Variants in RAB3IP observed in about 807,000 individuals in gnomAD.
RAB3IP encodes the protein rab-3A-interacting protein.
RAB3IP carries 36 observed loss-of-function variants against 59.1 expected under a neutral mutation model. That is an observed-to-expected ratio of 0.61 (90% CI 0.47 to 0.80). The LOEUF is 0.80. RAB3IP is among the 30% of genes least tolerant of loss of function. The pLI, the probability that RAB3IP is intolerant of heterozygous loss-of-function variation, is 0.00. For synonymous variants in RAB3IP, 207 were observed against 191.2 expected, an observed-to-expected ratio of 1.08 and a Z score of -0.68; for missense variants, 511 against 536.0, an observed-to-expected ratio of 0.95 and a Z score of 0.46.
intron 1 of RAB3IP, among the ~76,000 whole-genome samples, chr12:69,750,370 A>C (rs969804820): frequency 6.6e-6 from 1 of 152,136 alleles, no homozygotes; most frequent in Non-Finnish European, 1.5e-5. Flanking sequence ...ATCTTTTTTA[A>C]AAGATAAGGA....
At chr12:69,807,079 G>T (rs1464218858) in intron 8 of RAB3IP, among the ~76,000 whole-genome samples, 6 of 152,048 alleles carry the variant, frequency 3.9e-5, no homozygotes, top group African/African-American at 1.4e-4. Context: ...GCCTGTTCTC[G>T]ACGGTCGCTG....
At chr12:69,738,758 T>G (rs988996693), upstream of RAB3IP, 1 of 151,844 alleles carries the variant, frequency 6.6e-6, no homozygotes, top group Admixed American at 6.6e-5. Context: ...CCAGGCCCCA[T>G]GCCGGGCTCG....
In RAB3IP at chr12:69,813,002, C is replaced by G; in HGVS notation, c.1269C>G (p.Tyr423Ter). ...GTAACTTTTTTACATACATTCGATA[C>G]ATTCAGCAGGGACTCGTGAAACAGC... ...SVCNFFTYIRYIQQGLVKQQD... is the reference protein window; with the variant it reads ...SVCNFFTYIR Residue 423 changes from tyrosine to a stop codon, truncating the protein, a stop_gained, in exon 10 of 11, where the codon TAC (tyrosine) becomes TAG (stop). Coordinates refer to ENST00000247833, the MANE Select transcript of RAB3IP (RefSeq NM_022456.5). LOFTEE classifies it high-confidence loss of function. The G allele has an allele frequency of 6.2e-7, 1 of 1,613,344 alleles. No individual in the cohort carries two copies. Among genetic ancestry groups the G allele is most frequent in the South Asian group, 1.1e-5 (1 of 90,924 alleles).
chr12:69,802,520 A>G (rs916240999), intron 8 of RAB3IP, among the ~76,000 whole-genome samples: 2 of 152,224 alleles, frequency 1.3e-5, no homozygotes, highest in Non-Finnish European at 2.9e-5. Context: ...GGTTTTGCCT[A>G]AAACCGTGGC....
intron 10 of RAB3IP, among the ~76,000 whole-genome samples, chr12:69,813,455 A>G (rs989252712): frequency 2.0e-5 from 3 of 152,064 alleles, no homozygotes; most frequent in African/African-American, 7.2e-5. Context: ...TTTTCCCTGT[A>G]TTTTCTACTT....
chr12:69,791,210 C>G (rs764593006), intron 4 of RAB3IP, among the ~76,000 whole-genome samples: 4 of 152,082 alleles, frequency 2.6e-5, no homozygotes, highest in Non-Finnish European at 5.9e-5. Flanking sequence ...TAAAGACTTA[C>G]ACATAAGACC....
At chr12:69,792,976 C>A (rs1876877251) in intron 4 of RAB3IP, among the ~76,000 whole-genome samples, 1 of 152,146 alleles carries the variant, frequency 6.6e-6, no homozygotes, top group Non-Finnish European at 1.5e-5. Flanking sequence ...GTATGAATTA[C>A]TTTTTCATTT....
chr12:69,766,603 C>T (rs973504550), intron 3 of RAB3IP, among the ~76,000 whole-genome samples: 6 of 152,062 alleles, frequency 3.9e-5, no homozygotes, highest in Non-Finnish European at 7.4e-5. Context: ...TCACTGCAAC[C>T]TCCGCTTCCC....
intron 1 of RAB3IP, among the ~76,000 whole-genome samples, chr12:69,749,270 A>G (rs1868841743): frequency 2.0e-5 from 3 of 152,198 alleles, no homozygotes; most frequent in South Asian, 4.1e-4. Context: ...GCACATTGCA[A>G]GGGATCTAGG....
chr12:69,749,524 C>T (rs929023479), intron 1 of RAB3IP, among the ~76,000 whole-genome samples: 4 of 152,194 alleles, frequency 2.6e-5, no homozygotes, highest in African/African-American at 9.6e-5. Flanking sequence ...CAGATTGTCT[C>T]AGTAATTTGA....
At chr12:69,805,122 C>G (rs1192074810) in intron 8 of RAB3IP, among the ~76,000 whole-genome samples, 1 of 152,198 alleles carries the variant, frequency 6.6e-6, no homozygotes, top group Non-Finnish European at 1.5e-5. Flanking sequence ...GTCTTCCTAC[C>G]CATGAGCATT....
chr12:69,787,024 A>G (rs942621657), intron 4 of RAB3IP, among the ~76,000 whole-genome samples: 1 of 152,180 alleles, frequency 6.6e-6, no homozygotes. Context: ...TTGTGCCTTC[A>G]TGATCTGTTT....
At chr12:69,797,505 AAT>A (rs1877677730) in intron 6 of RAB3IP, among the ~76,000 whole-genome samples, 35 of 122,318 alleles carry the variant, frequency 2.9e-4, no homozygotes, top group African/African-American at 1.1e-3. Context: ...TTTTTTAATA[AAT>A]TTGCATCTTT....
At chr12:69,806,002 C>G (rs1474105760) in intron 8 of RAB3IP, among the ~76,000 whole-genome samples, 2 of 152,126 alleles carry the variant, frequency 1.3e-5, no homozygotes, top group African/African-American at 4.8e-5. Flanking sequence ...CAGGATGATG[C>G]TGGCCTCATA....
In RAB3IP at chr12:69,807,662, T is replaced by G. The variant is rs1220091482; in HGVS notation, c.1131-5116T>G. ...CAGACGAAGGGTGGCCGGGCAGAGG[T>G]GCTCCTCACATCCCAGACGATGGGC... On this transcript the variant is annotated intron_variant, in intron 8 of 10. Coordinates refer to ENST00000247833, the MANE Select transcript of RAB3IP (RefSeq NM_022456.5). Among the ~76,000 whole-genome samples the G allele has an allele frequency of 5.6e-4, 49 of 87,514 alleles. 1 individual carries two copies. The Admixed American group carries it at 5.8e-3, about 10-fold the overall frequency. The allele number at this position is 87,514 out of a possible 152,430, so 57.4% of individuals were successfully genotyped here.
At chr12:69,784,674 A>T in intron 3 of RAB3IP, 46 bp from the exon 4 acceptor site, 1 of 1,117,834 alleles carries the variant, frequency 8.9e-7, no homozygotes, top group Non-Finnish European at 1.3e-6. Context: ...GCTGAATCTA[A>T]CTTCAAACTA....
intron 1 of RAB3IP, among the ~76,000 whole-genome samples, chr12:69,744,836 T>C (rs1278203419): frequency 1.3e-5 from 2 of 152,006 alleles, no homozygotes; most frequent in Non-Finnish European, 2.9e-5. Context: ...TTTATAAACA[T>C]AGAATGCTTC....
At chr12:69,739,839 C>A (rs200147683) in intron 1 of RAB3IP, 2 of 1,613,802 alleles carry the variant, frequency 1.2e-6, no homozygotes, top group African/African-American at 2.7e-5. Context: ...GAAGAGTTGC[C>A]GGTTGTTATG....
chr12:69,739,989 C>A, intron 1 of RAB3IP: 1 of 864,728 alleles, frequency 1.2e-6, no homozygotes, highest in Non-Finnish European at 1.9e-6. Context: ...CTGTTTCACC[C>A]CAACTCCTTC....
Sources: gnomAD v4.1 joint callset for allele counts (sites outside exome capture counted in the v4.1 genomes callset) on GRCh38, gnomAD v4.1.1 for gene constraint, MANE v1.5 for transcripts, NCBI Gene and HGNC (gene_info 2026-07-23, HGNC 2026-07-21) for gene names.